SLC6A7: variants seen among roughly 807,000 people sequenced by gnomAD.
The protein encoded by SLC6A7 is solute carrier family 6 member 7, also known as sodium-dependent proline transporter.
Under a neutral mutation model 73.1 loss-of-function variants are expected in SLC6A7, and 58 were observed. The ratio of observed to expected loss-of-function variants is 0.79; its 90% CI spans 0.64 to 0.99. SLC6A7 has a LOEUF of 0.99. Ranked by LOEUF, SLC6A7 falls within the 50% of genes least tolerant of loss-of-function variation. The pLI, the probability that SLC6A7 is intolerant of heterozygous loss-of-function variation, is 0.00. For missense variants in SLC6A7, 783 were observed against 831.4 expected (o/e 0.94, Z 0.72); for synonymous variants, 338 against 338.7 (o/e 1.00, Z 0.02).
intron 5 of SLC6A7, among the ~76,000 whole-genome samples, 178 bp from the exon 6 acceptor site, chr5:150,200,911 G>T (rs1457247923): frequency 6.6e-6 from 1 of 152,194 alleles, no homozygotes; most frequent in Non-Finnish European, 1.5e-5. Context: ...GAAGCAAGGT[G>T]GTGGTGCTTT....
Position 150,204,042 on chromosome 5 carries a change from A to C in SLC6A7, c.1332+4A>C. On this transcript the variant is annotated splice_donor_region_variant and intron_variant, in intron 10 of 13. Coordinates refer to ENST00000230671, the MANE Select transcript of SLC6A7 (RefSeq NM_014228.5). ...GGGGCTGATCCTCACCACTGATGTG[A>C]GTGGCGCTACAGGGAGGATGGCAGG... 1 of 1,612,058 alleles carries C rather than the reference A, an allele frequency of 6.2e-7. No homozygotes were observed. Among genetic ancestry groups the C allele is most frequent in the Non-Finnish European group, 8.5e-7 (1 of 1,179,264 alleles).
At chr5:150,207,261 T>A (rs2113989774) in intron 13 of SLC6A7, among the ~76,000 whole-genome samples, 1 of 152,256 alleles carries the variant, frequency 6.6e-6, no homozygotes, top group Non-Finnish European at 1.5e-5. Context: ...TTGTCTTTTT[T>A]TGTTTGTGTT....
At chr5:150,199,442 T>G (rs1753257330) in intron 5 of SLC6A7, 76 bp downstream of exon 5, 2 of 992,866 alleles carry the variant, frequency 2.0e-6, no homozygotes, top group African/African-American at 3.2e-5. Flanking sequence ...GGGCTTGGAC[T>G]GAGCATGAGA....
At chr5:150,192,755 A>T (rs1464049844) in intron 1 of SLC6A7, among the ~76,000 whole-genome samples, 1 of 152,198 alleles carries the variant, frequency 6.6e-6, no homozygotes. Flanking sequence ...GGACCGCTCC[A>T]TGAGCATGGA....
At chr5:150,204,652 T>C (rs1490796768) in intron 11 of SLC6A7, 21 bp downstream of exon 11, 2 of 1,563,642 alleles carry the variant, frequency 1.3e-6, no homozygotes, top group East Asian at 2.2e-5. Flanking sequence ...CCGTGGGAAG[T>C]GGAGTCGAGC....
chr5:150,202,340 G>C lies in SLC6A7; in HGVS notation c.859-7G>C, dbSNP rs374394699. Reference sequence around the variant, plus strand: ...CACACCCTCCCTTTCCATCCTTCCCGGCACAGGTGTGGATTGAAGCTGCTC... The same window carrying C: ...CACACCCTCCCTTTCCATCCTTCCCCGCACAGGTGTGGATTGAAGCTGCTC... On this transcript the variant is annotated splice_polypyrimidine_tract_variant and splice_region_variant and intron_variant, in intron 6 of 13. Coordinates refer to ENST00000230671, the MANE Select transcript of SLC6A7 (RefSeq NM_014228.5). The C allele has an allele frequency of 6.2e-7, 1 of 1,603,984 alleles. No homozygotes were observed. The highest frequency in any genetic ancestry group is 8.5e-7 in the Non-Finnish European group (1 of 1,170,880).
In SLC6A7 at chr5:150,190,288, C is replaced by G. The variant is rs986914769; in HGVS notation, c.-40C>G. The stretch of plus-strand genomic sequence containing the variant: ...CCATCTCTCGTGCCCTCGCTCTCTG[C>G]GCTCCGGGGCAGCTGAGCCCCGGCC... On this transcript the variant is annotated 5_prime_UTR_variant, in exon 1 of 14. Transcript: ENST00000230671. 6.7e-7 allele frequency: 1 copy of G among 1,497,762 alleles called. No homozygotes were observed. 92.8% of individuals were successfully genotyped at this position (1,497,762 alleles called of 1,614,324 possible).
intron 5 of SLC6A7, 142 bp downstream of exon 5, chr5:150,199,508 GA>G: frequency 1.7e-6 from 1 of 605,516 alleles, no homozygotes; most frequent in Middle Eastern, 4.3e-4. Context: ...GAGACTGGGG[GA>G]TGAGGGCTGC....
At chr5:150,193,586 C>T (rs1203034207) in intron 1 of SLC6A7, among the ~76,000 whole-genome samples, 1 of 152,134 alleles carries the variant, frequency 6.6e-6, no homozygotes, top group African/African-American at 2.4e-5. Context: ...AGTCAGATCT[C>T]CTTGGTTCTT....
intron 4 of SLC6A7, 133 bp from the exon 5 acceptor site, chr5:150,199,095 A>C: frequency 8.1e-7 from 1 of 1,233,532 alleles, no homozygotes; most frequent in Admixed American, 2.7e-5. Flanking sequence ...TGGTCGGAGA[A>C]GGATGGAGAG....
Position 150,203,926 on chromosome 5 carries a change from T to C in SLC6A7, c.1220T>C (p.Ile407Thr). 1.2e-6 allele frequency: 2 copies of C among 1,611,914 alleles called. No homozygotes were observed. Among genetic ancestry groups the C allele is most frequent in the Non-Finnish European group, 1.7e-6 (2 of 1,179,122 alleles). ...LDSQFAFLETIVTAVTDEFPY... is the reference protein window; with the variant it reads ...LDSQFAFLETTVTAVTDEFPY... ...CCTCAGTTTGCTTTTCTGGAGACCATTGTGACAGCTGTGACAGATGAGTTC... is the reference window on the plus strand; with the variant it reads ...CCTCAGTTTGCTTTTCTGGAGACCACTGTGACAGCTGTGACAGATGAGTTC... Residue 407 changes from isoleucine (I) to threonine (T), a missense_variant, in exon 10 of 14, where the codon ATT becomes ACT. Physicochemically the swap from Ile to Thr is moderately conservative, Grantham distance 89. Coordinates refer to ENST00000230671, the MANE Select transcript of SLC6A7 (RefSeq NM_014228.5).
intron 5 of SLC6A7, among the ~76,000 whole-genome samples, chr5:150,199,631 C>T (rs1300248785): frequency 6.6e-6 from 1 of 152,174 alleles, no homozygotes; most frequent in African/African-American, 2.4e-5. Context: ...GTGCTTGGCA[C>T]TTTGAATGAG....
In SLC6A7 at chr5:150,208,174, A is replaced by T. The variant is rs1753792518; in HGVS notation, c.1702-1232A>T. ...TGTGGGGGACAGGCAATAAAGAAAT[A>T]TGTAAAGGTAAGTTCTGCACTTAAA... On this transcript the variant is annotated intron_variant, in intron 13 of 13. Transcript: ENST00000230671. 2.7e-5 allele frequency among the ~76,000 whole-genome samples: 4 copies of T among 150,588 alleles called. No individual in the cohort carries two copies. In the South Asian group the frequency reaches 8.5e-4, roughly 32 times the overall value.
chr5:150,194,856 T>C lies in SLC6A7; in HGVS notation c.162T>C (p.Cys54=). The change falls in exon 2 of 14, where the codon TGT becomes TGC. Residue 54 remains cysteine (C), a synonymous_variant. Transcript: ENST00000230671. ...TCCTGCTGTCCTGCATTGGCTACTG[T>C]GTAGGCCTGGGGAATGTCTGGCGCT... is the stretch of plus-strand genomic sequence containing the variant. The part of the protein sequence containing the change: ...LDFLLSCIGY[C]VGLGNVWRFP... 1.2e-6 allele frequency: 2 copies of C among 1,614,118 alleles called. No homozygotes were observed. The highest frequency in any genetic ancestry group is 1.7e-6 in the Non-Finnish European group (2 of 1,180,006).
intron 5 of SLC6A7, 142 bp from the exon 6 acceptor site, chr5:150,200,947 G>A (rs1753346638): frequency 1.3e-6 from 1 of 753,300 alleles, no homozygotes; most frequent in African/African-American, 1.8e-5. Context: ...GTGAAGGGAG[G>A]AGGGAAGCCT....
rs766083797 is a variant in SLC6A7 at position 150,209,621 on chromosome 5, G to T, written c.*6G>T. 4 of 1,585,412 alleles carry T rather than the reference G, an allele frequency of 2.5e-6. No homozygotes were observed. In the African/African-American group the frequency reaches 5.4e-5, roughly 21 times the overall value. ...AGGAGGAGTCGATGATGTGAGGCAG[G>T]AGGCAGGCGGGCAGAAGGCCCTGCC... On this transcript the variant is annotated 3_prime_UTR_variant, in exon 14 of 14. Transcript: ENST00000230671.
chr5:150,195,389 T>C (rs1752971927), intron 2 of SLC6A7, among the ~76,000 whole-genome samples: 1 of 152,018 alleles, frequency 6.6e-6, no homozygotes, highest in African/African-American at 2.4e-5. Context: ...GTCTCTCCCA[T>C]CTTAAACAAA....
At chr5:150,190,386 G>A (rs1752720516) in intron 1 of SLC6A7, 26 bp downstream of exon 1, 3 of 1,474,344 alleles carry the variant, frequency 2.0e-6, no homozygotes, top group Non-Finnish European at 2.7e-6. Flanking sequence ...GGGGGCGCTG[G>A]GGGTGCACCT....
At chr5:150,192,085 T>C in intron 1 of SLC6A7, among the ~76,000 whole-genome samples, 1 of 151,674 alleles carries the variant, frequency 6.6e-6, no homozygotes, top group East Asian at 2.0e-4. Context: ...CTTTCCCTTT[T>C]CTCAAGCAGA....
Sources: gnomAD v4.1 joint callset for allele counts (sites outside exome capture counted in the v4.1 genomes callset) on GRCh38, gnomAD v4.1.1 for gene constraint, MANE v1.5 for transcripts, NCBI Gene and HGNC (gene_info 2026-07-23, HGNC 2026-07-21) for gene names.